The following PAK5 variants were observed in gnomAD, a reference collection of about 807,000 sequenced individuals.
PAK5 encodes p21 (RAC1) activated kinase 5, also known as serine/threonine-protein kinase PAK 5.
A neutral mutation model predicts 65.9 loss-of-function variants in PAK5; 16 were observed. The ratio of observed to expected loss-of-function variants is 0.24; its 90% confidence interval spans 0.16 to 0.37. The LOEUF (loss-of-function observed/expected upper bound fraction) is 0.37. Ranked by LOEUF, PAK5 falls within the 10% of genes least tolerant of loss-of-function variation. The probability of loss-of-function intolerance (pLI) is 1.00; values close to 1 mark genes in which losing one functional copy is unlikely to be tolerated. For synonymous variants in PAK5, 371 were observed against 354.9 expected, an observed-to-expected ratio of 1.05 and a Z score of -0.51; for missense variants, 785 against 903.9, an observed-to-expected ratio of 0.87 and a Z score of 1.69.
At chr20:9,812,175 C>CTAT (rs1195627051) in intron 1 of PAK5, among the ~76,000 whole-genome samples, 1 of 151,822 alleles carries the variant, frequency 6.6e-6, no homozygotes, top group Non-Finnish European at 1.5e-5. Context: ...AAATAAAAGA[C>CTAT]TATTATAAAA....
At position 9,539,114 on chromosome 20, in the gene PAK5, G is replaced by T. The variant is rs139961576; in HGVS notation, c.*348C>A. 0.016 allele frequency: 3,370 copies of T among 213,986 alleles called. 37 individuals are homozygous for T. The highest frequency in any genetic ancestry group is 0.023 in the Middle Eastern group (17 of 726). The allele number at this position is 213,986 out of a possible 1,614,324, so 13.3% of individuals were successfully genotyped here. A position where few individuals can be genotyped will look rare whatever the true frequency, so the allele number is the denominator to read the frequency against. On this transcript the variant is annotated 3_prime_UTR_variant, in exon 10 of 10. Transcript: ENST00000353224. ...TTTTTTTTTTTTTTTTGCCAGAAAAGTATTCTTTCAATATAGAAAATCCTA... is the reference window on the plus strand; with the variant it reads ...TTTTTTTTTTTTTTTTGCCAGAAAATTATTCTTTCAATATAGAAAATCCTA...
rs1038567495 is a variant in PAK5 at position 9,838,555 on chromosome 20, G to T, written c.-162+207C>A. 1.3e-5 allele frequency among the ~76,000 whole-genome samples: 2 copies of T among 152,152 alleles called. No homozygotes were observed. The highest frequency in any genetic ancestry group is 2.9e-5 in the Non-Finnish European group (2 of 68,030). On this transcript the variant is annotated intron_variant, in intron 1 of 9. Transcript: ENST00000353224. The surrounding 1 kb of genome is among the most constrained non-coding windows in gnomAD (Gnocchi z 4.5). ...GATAGTAGCGCATGGGTTGAGGGTG[G>T]GCGGTCCCCTATCCCTACCCTCCAG...
chr20:9,729,234 C>CAA (rs368174329), intron 1 of PAK5, among the ~76,000 whole-genome samples: 3 of 135,858 alleles, frequency 2.2e-5, no homozygotes, highest in Non-Finnish European at 1.6e-5. Flanking sequence ...AACTCCATCT[C>CAA]AAAAAAAAAA....
At chr20:9,742,354 G>A (rs74806729) in intron 1 of PAK5, among the ~76,000 whole-genome samples, 77 of 152,180 alleles carry the variant, frequency 5.1e-4, no homozygotes, top group African/African-American at 1.8e-3. Flanking sequence ...GAAGCAGATC[G>A]GCCTGTAATA....
At chr20:9,711,177 C>T (rs2048073223) in intron 2 of PAK5, 109 bp downstream of exon 2, 1 of 152,098 alleles carries the variant, frequency 6.6e-6, no homozygotes, top group Non-Finnish European at 1.5e-5. Context: ...ATAGCAGTCA[C>T]CCAGAGAATA....
chr20:9,801,473 G>GTA (rs781202195), intron 1 of PAK5, among the ~76,000 whole-genome samples: 41 of 149,908 alleles, frequency 2.7e-4, no homozygotes, highest in Non-Finnish European at 5.6e-4. Flanking sequence ...TGTGAGACTT[G>GTA]TATATATATA....
rs1390523587 is a variant in PAK5 at position 9,711,400 on chromosome 20, T to C, written c.-126A>G. 1.3e-5 allele frequency: 2 copies of C among 152,306 alleles called. No individual in the cohort carries two copies. The highest frequency in any genetic ancestry group is 3.9e-4 in the East Asian group (2 of 5,186). The allele number at this position is 152,306 out of a possible 1,614,324, so 9.4% of individuals were successfully genotyped here. A position where few individuals can be genotyped will look rare whatever the true frequency, so the allele number is the denominator to read the frequency against. ...CTTCATTTTTCCTCAGTGTTCATTT[T>C]AGCAAGAGGTGGAAGCATTTCACCA... On this transcript the variant is annotated 5_prime_UTR_variant, in exon 2 of 10. Coordinates refer to ENST00000353224, the MANE Select transcript of PAK5 (RefSeq NM_177990.4).
chr20:9,560,173 C>T (rs115667095), intron 6 of PAK5, among the ~76,000 whole-genome samples: 5,653 of 152,286 alleles, frequency 0.037, 114 homozygotes, highest in African/African-American at 0.058. Flanking sequence ...GAACACGTGA[C>T]AAATACTTCC....
intron 1 of PAK5, among the ~76,000 whole-genome samples, chr20:9,736,668 C>A (rs1344290826): frequency 6.6e-6 from 1 of 152,156 alleles, no homozygotes; most frequent in African/African-American, 2.4e-5. Flanking sequence ...TCATCTTATA[C>A]CATCTTTAGA....
chr20:9,609,420 C>G (rs989310072), intron 3 of PAK5, among the ~76,000 whole-genome samples: 4 of 152,182 alleles, frequency 2.6e-5, no homozygotes, highest in African/African-American at 9.7e-5. Context: ...ATATCCAGGT[C>G]GAGGGCAAAA....
At chr20:9,774,786 T>C (rs1283257605) in intron 1 of PAK5, among the ~76,000 whole-genome samples, 1 of 150,710 alleles carries the variant, frequency 6.6e-6, no homozygotes, top group Non-Finnish European at 1.5e-5. Flanking sequence ...TACTAACAAA[T>C]TAAAAAAAAA....
intron 3 of PAK5, among the ~76,000 whole-genome samples, chr20:9,606,051 C>T (rs1197034809): frequency 3.3e-5 from 5 of 152,164 alleles, no homozygotes; most frequent in Non-Finnish European, 7.3e-5. Flanking sequence ...TGTGTCCCTG[C>T]CCAAATTTCA....
At position 9,580,519 on chromosome 20, in the gene PAK5, G is replaced by T. The variant is rs1351057883; in HGVS notation, c.616C>A (p.Leu206Met). The change falls in exon 4 of 10, where the codon CTG becomes ATG. Residue 206 changes from leucine (L) to methionine (M), a missense_variant. Leu to Met is a conservative substitution (Grantham distance 15). Around this residue, in one of 4 missense-constraint regions of PAK5, gnomAD observed 422 missense variants for 413.3 expected, o/e 1.02. Coordinates refer to ENST00000353224, the MANE Select transcript of PAK5 (RefSeq NM_177990.4). ...SADYHSHLDS[L>M]SKPSEYSDLK... Reference sequence around the variant, plus strand: ...TCACTGTATTCACTTGGTTTGCTCAGTGAGTCCAAATGTGAGTGATAATCG... The same window carrying T: ...TCACTGTATTCACTTGGTTTGCTCATTGAGTCCAAATGTGAGTGATAATCG... The T allele has an allele frequency of 6.2e-7, 1 of 1,614,174 alleles. No individual in the cohort carries two copies. Among genetic ancestry groups the T allele is most frequent in the Non-Finnish European group, 8.5e-7 (1 of 1,180,028 alleles).
In PAK5 at chr20:9,821,770, C is replaced by A. The variant is rs926968276; in HGVS notation, c.-162+16992G>T. 3.9e-5 allele frequency among the ~76,000 whole-genome samples: 6 copies of A among 152,338 alleles called. No individual in the cohort carries two copies. The East Asian group carries it at 1.2e-3, about 29-fold the overall frequency. ...CTAACACTTGCGTTTCTGCTCTCAG[C>A]ATACTTGTTACATTCTCTTCTTTCT... On this transcript the variant is annotated intron_variant, in intron 1 of 9. Transcript: ENST00000353224.
rs758330533 is a variant in PAK5, at chr20:9,580,585, C to G, written c.550G>C (p.Glu184Gln). Residue 184 changes from glutamate to glutamine, a missense_variant, in exon 4 of 10, where the codon GAG (glutamate) becomes CAG (glutamine). By Grantham distance (29) the Glu-to-Gln change is conservative. Around this residue, in one of 4 missense-constraint regions of PAK5, gnomAD observed 422 missense variants for 413.3 expected, o/e 1.02. Transcript: ENST00000353224. ...KMKHGEAYYSEVKPLKSDFAR... is the reference protein window; with the variant it reads ...KMKHGEAYYSQVKPLKSDFAR... ...AAATCGGATTTCAAAGGCTTCACCT[C>G]AGAATAGTAGGCCTCCCCGTGCTTC... The G allele has an allele frequency of 2.5e-6, 4 of 1,614,134 alleles. No homozygotes were observed. Among genetic ancestry groups the G allele is most frequent in the South Asian group, 1.1e-5 (1 of 91,080 alleles).
intron 1 of PAK5, among the ~76,000 whole-genome samples, chr20:9,823,298 T>C (rs942025680): frequency 6.6e-5 from 10 of 152,138 alleles, no homozygotes; most frequent in African/African-American, 2.4e-4. Flanking sequence ...GAAATAAATT[T>C]CTATTATTTA....
chr20:9,588,451 TG>T (rs1333376501), intron 3 of PAK5, among the ~76,000 whole-genome samples: 1 of 152,172 alleles, frequency 6.6e-6, no homozygotes, highest in Middle Eastern at 3.2e-3. Context: ...AGCAGGGGGT[TG>T]CAAAATGTAA....
chr20:9,638,943 T>G (rs2047015775), intron 3 of PAK5, among the ~76,000 whole-genome samples: 1 of 152,234 alleles, frequency 6.6e-6, no homozygotes, highest in Admixed American at 6.5e-5. Context: ...TGTCATGATC[T>G]CTTTTCTCAT....
chr20:9,696,477 G>A (rs1454074829), intron 2 of PAK5, among the ~76,000 whole-genome samples: 2 of 152,032 alleles, frequency 1.3e-5, no homozygotes, highest in Non-Finnish European at 2.9e-5. Context: ...GAAGCATTTT[G>A]GGGGGTTATT....
Sources: gnomAD v4.1 joint callset for allele counts (sites outside exome capture counted in the v4.1 genomes callset) on GRCh38, gnomAD v4.1.1 for gene constraint, gnomAD v4.1.1 regional missense constraint, Gnocchi (gnomAD v3.1) non-coding constraint, MANE v1.5 for transcripts, NCBI Gene and HGNC (gene_info 2026-07-23, HGNC 2026-07-21) for gene names.